ZAP70: variants seen among roughly 807,000 people sequenced by gnomAD.
ZAP70 encodes tyrosine-protein kinase ZAP-70.
Under a neutral mutation model 65.8 loss-of-function variants are expected in ZAP70, and 27 were observed. The observed-to-expected ratio is 0.41, with a 90% CI of 0.30 to 0.57. The LOEUF is 0.57. Ranked by LOEUF, ZAP70 falls within the 20% of genes least tolerant of loss-of-function variation. The probability of loss-of-function intolerance (pLI) is 0.28; values close to 1 mark genes in which losing one functional copy is unlikely to be tolerated. For synonymous variants in ZAP70, 363 were observed against 360.8 expected (o/e 1.01, Z -0.07); for missense variants, 696 against 870.5 (o/e 0.80, Z 2.52).
At chr2:97,734,937 C>A (rs1158204711) in intron 9 of ZAP70, 1 of 711,276 alleles carries the variant, frequency 1.4e-6, no homozygotes, top group Non-Finnish European at 2.3e-6. Flanking sequence ...AGCTGAAGTT[C>A]CCAACCCAGG....
chr2:97,737,045 A>T lies in ZAP70; in HGVS notation c.1290-428A>T, dbSNP rs1260916568. Among the ~76,000 whole-genome samples, 1 of 151,956 alleles carries T rather than the reference A, an allele frequency of 6.6e-6. No homozygotes were observed. The highest frequency in any genetic ancestry group is 2.4e-5 in the African/African-American group (1 of 41,344). On this transcript the variant is annotated intron_variant, in intron 10 of 13. Coordinates refer to ENST00000264972, the MANE Select transcript of ZAP70 (RefSeq NM_001079.4). This position sits in a 1 kb window ranked among gnomAD's most constrained non-coding sequence, Gnocchi z 5.0. ...AGATGAGGAGTGCGGTGGATTCTGG[A>T]GAGATTCTGACACCAGAACTGCCAG...
At chr2:97,756,155 C>CATGATTG in the ZAP70 span, among the ~76,000 whole-genome samples, 1 of 148,330 alleles carries the variant, frequency 6.7e-6, no homozygotes, top group Non-Finnish European at 1.5e-5. Context: ...AAGGACCCTC[C>CATGATTG]ATGATTGCCA....
chr2:97,719,126 A>G (rs1677061830), intron 2 of ZAP70, among the ~76,000 whole-genome samples: 1 of 152,190 alleles, frequency 6.6e-6, no homozygotes, highest in African/African-American at 2.4e-5. Flanking sequence ...TCTGGGGCTC[A>G]GCTCTGTGGA....
In ZAP70 at chr2:97,737,373, G is replaced by A; in HGVS notation, c.1290-100G>A. On this transcript the variant is annotated intron_variant, in intron 10 of 13. Coordinates refer to ENST00000264972, the MANE Select transcript of ZAP70 (RefSeq NM_001079.4). The surrounding 1 kb of genome is among the most constrained non-coding windows in gnomAD (Gnocchi z 5.0). ...CTCAATAAGCGTTTTTGAACACATG[G>A]TCACCTGGCTCATGCCCAGCTGGGT... is the stretch of plus-strand genomic sequence containing the variant. 1 of 1,306,344 alleles carries A rather than the reference G, an allele frequency of 7.7e-7. No homozygotes were observed. The highest frequency in any genetic ancestry group is 1.1e-6 in the Non-Finnish European group (1 of 912,584). 80.9% of individuals were successfully genotyped at this position (1,306,344 alleles called of 1,614,324 possible).
chr2:97,724,659 G>T (rs1247960906), intron 3 of ZAP70: 1 of 1,530,122 alleles, frequency 6.5e-7, no homozygotes, highest in Non-Finnish European at 8.7e-7. Flanking sequence ...GCGATGCTAT[G>T]GTGCTCTACT....
chr2:97,755,045 G>A, the ZAP70 span, among the ~76,000 whole-genome samples: 1 of 152,172 alleles, frequency 6.6e-6, no homozygotes, highest in African/African-American at 2.4e-5. Flanking sequence ...CCACCTTCAT[G>A]GGGATAGTTT....
At chr2:97,719,662 G>A (rs1470258218) in intron 2 of ZAP70, among the ~76,000 whole-genome samples, 1 of 152,036 alleles carries the variant, frequency 6.6e-6, no homozygotes, top group Admixed American at 6.6e-5. Flanking sequence ...AGCATTTTTA[G>A]TGTCCATTGT....
At chr2:97,735,813 A>C (rs747200739) in intron 10 of ZAP70, among the ~76,000 whole-genome samples, 5 of 152,178 alleles carry the variant, frequency 3.3e-5, no homozygotes, top group Admixed American at 1.3e-4. Context: ...AGAGATCCAG[A>C]CCATCCTGGC....
chr2:97,755,287 T>TAA, the ZAP70 span, among the ~76,000 whole-genome samples: 2 of 152,022 alleles, frequency 1.3e-5, no homozygotes, highest in African/African-American at 4.8e-5. Context: ...CACTTCTAGT[T>TAA]AAAAGAAAAA....
chr2:97,746,588 C>A, the ZAP70 span, among the ~76,000 whole-genome samples: 1 of 152,202 alleles, frequency 6.6e-6, no homozygotes, highest in South Asian at 2.1e-4. Flanking sequence ...TGGCCTTGAT[C>A]TTGGTTTTCC....
intron 2 of ZAP70, among the ~76,000 whole-genome samples, chr2:97,716,220 C>T (rs191126192): frequency 0.01 from 1,537 of 152,214 alleles, 14 homozygotes; most frequent in Non-Finnish European, 0.014. Flanking sequence ...CATCCTCCAC[C>T]CAAGGAAGCC....
chr2:97,754,366 CTCTT>C, the ZAP70 span, among the ~76,000 whole-genome samples: 2 of 152,200 alleles, frequency 1.3e-5, no homozygotes, highest in Non-Finnish European at 2.9e-5. Flanking sequence ...TCCTGAGATA[CTCTT>C]TCTGAGGAAA....
downstream of ZAP70, among the ~76,000 whole-genome samples, chr2:97,741,912 A>G (rs946042645): frequency 1.5e-4 from 23 of 152,386 alleles, no homozygotes; most frequent in African/African-American, 5.3e-4. Flanking sequence ...CTGGAGGTCC[A>G]GAGAAGCTCC....
the ZAP70 span, among the ~76,000 whole-genome samples, chr2:97,747,118 A>T: frequency 6.6e-6 from 1 of 152,246 alleles, no homozygotes; most frequent in East Asian, 1.9e-4. Flanking sequence ...TGGGGATGTT[A>T]CAAAGTGCAG....
chr2:97,754,461 G>C, the ZAP70 span, among the ~76,000 whole-genome samples: 1 of 152,108 alleles, frequency 6.6e-6, no homozygotes, highest in Middle Eastern at 3.4e-3. Flanking sequence ...GGAGTGCAGT[G>C]GTATGATCTT....
chr2:97,718,015 C>A (rs367947363), intron 2 of ZAP70, among the ~76,000 whole-genome samples: 15 of 152,352 alleles, frequency 9.8e-5, no homozygotes, highest in East Asian at 5.8e-4. Flanking sequence ...GAAGGCCAAA[C>A]TAGGATCTCT....
chr2:97,729,618 T>C (rs1371516872), intron 4 of ZAP70, among the ~76,000 whole-genome samples: 1 of 152,216 alleles, frequency 6.6e-6, no homozygotes, highest in Non-Finnish European at 1.5e-5. Flanking sequence ...TTATAGGTTC[T>C]ATGTATTATT....
chr2:97,756,108 G>A, the ZAP70 span, among the ~76,000 whole-genome samples: 2 of 152,162 alleles, frequency 1.3e-5, no homozygotes, highest in African/African-American at 2.4e-5. Context: ...AACGCTTACT[G>A]GATGAATCCA....
chr2:97,740,538 T>C (rs1331172968), downstream of ZAP70, among the ~76,000 whole-genome samples: 1 of 152,234 alleles, frequency 6.6e-6, no homozygotes, highest in African/African-American at 2.4e-5. Flanking sequence ...TTATGTTTCA[T>C]GTCATCATTA....
Sources: allele counts gnomAD v4.1 joint callset (sites outside exome capture counted in the v4.1 genomes callset), GRCh38; gene constraint gnomAD v4.1.1; non-coding constraint Gnocchi (gnomAD v3.1); transcripts MANE v1.5; gene names NCBI Gene and HGNC (gene_info 2026-07-23, HGNC 2026-07-21).